The following ITSN2 variants were observed in gnomAD, a reference collection of about 807,000 sequenced individuals.
ITSN2 encodes intersectin-2.
In ITSN2, 156 loss-of-function variants were observed where a neutral mutation model predicts 243.7. The observed-to-expected ratio is 0.64, with a 90% CI of 0.56 to 0.73. The LOEUF is 0.73. Ranked by LOEUF, ITSN2 falls within the 30% of genes least tolerant of loss-of-function variation. ITSN2 has a pLI of 0.00. For synonymous variants in ITSN2, 703 were observed against 699.9 expected, an observed-to-expected ratio of 1.00 and a Z score of -0.07; for missense variants, 1,801 against 1,996.1, an observed-to-expected ratio of 0.90 and a Z score of 1.86.
chr2:24,251,328 A>AATAT (rs1158351594), intron 25 of ITSN2, among the ~76,000 whole-genome samples: 2 of 6,980 alleles, frequency 2.9e-4, no homozygotes, highest in African/African-American at 9.1e-4. Context: ...AAAAAAATAA[A>AATAT]ATATATATAT....
intron 23 of ITSN2, among the ~76,000 whole-genome samples, chr2:24,257,659 G>A (rs767751436): frequency 9.2e-5 from 14 of 151,902 alleles, no homozygotes; most frequent in South Asian, 4.2e-4. Context: ...GTTTCACCAC[G>A]TCACCCAGGC....
At chr2:24,220,319 T>C (rs1670324389) in intron 30 of ITSN2, 4 of 985,250 alleles carry the variant, frequency 4.1e-6, no homozygotes, top group African/African-American at 1.7e-5. Context: ...AACAAAGGTA[T>C]AGTAGAAATG....
In ITSN2 at chr2:24,207,097, G is replaced by A. The variant is rs184404730; in HGVS notation, c.4678+1140C>T. On this transcript the variant is annotated intron_variant, in intron 37 of 39. Transcript: ENST00000355123. Reference sequence around the variant, plus strand: ...GGGCCCTGAGTGTGGGGTAAGAAATGTGTCGTTAATTTGGGAGGCAATAGG... The same window carrying A: ...GGGCCCTGAGTGTGGGGTAAGAAATATGTCGTTAATTTGGGAGGCAATAGG... Among the ~76,000 whole-genome samples, 35 of 152,152 alleles carry A rather than the reference G, an allele frequency of 2.3e-4. No individual in the cohort carries two copies. In the East Asian group the frequency reaches 6.2e-3, roughly 27 times the overall value.
chr2:24,209,823 T>C lies in ITSN2; in HGVS notation c.4468A>G (p.Lys1490Glu), dbSNP rs762079429. 11 of 1,613,644 alleles carry C rather than the reference T, an allele frequency of 6.8e-6. No individual in the cohort carries two copies. Among genetic ancestry groups the C allele is most frequent in the Non-Finnish European group, 9.3e-6 (11 of 1,179,494 alleles). ...SKSNAQFKMY[K>E]TPIFLNEVLV... ...CCCAGACGCGTGATACTCACCGTTTTATACATTTTGAATTGAGCATTGGAC... is the reference window on the plus strand; with the variant it reads ...CCCAGACGCGTGATACTCACCGTTTCATACATTTTGAATTGAGCATTGGAC... Residue 1490 changes from lysine to glutamate, a missense_variant, in exon 35 of 40, where the codon AAA (lysine) becomes GAA (glutamate). Physicochemically the swap from Lys to Glu is moderately conservative, Grantham distance 56. Transcript: ENST00000355123.
Position 24,248,743 on chromosome 2 carries a change from A to T in ITSN2, c.3174T>A (p.Ala1058=), listed in dbSNP as rs750129526. The part of the protein sequence containing the change: ...SGASNKKPEI[A]QVTSAYVASG... ...AAGCAACATATGCTGAAGTTACCTG[A>T]GCAATCTCTGAAAAGACAAAGAAGA... Residue 1058 remains alanine, a synonymous_variant, in exon 27 of 40, where the codon GCT becomes GCA. Transcript: ENST00000355123. 13 of 1,613,506 alleles carry T rather than the reference A, an allele frequency of 8.1e-6. No individual in the cohort carries two copies. In the South Asian group the frequency reaches 1.4e-4, roughly 18 times the overall value.
rs1465453428 is a variant in ITSN2 at position 24,298,588 on chromosome 2, G to A, written c.1494+77C>T. On this transcript the variant is annotated intron_variant, in intron 13 of 39. Transcript: ENST00000355123. ...TAGGATAACAGGTGTGAGCCACCAC[G>A]CCTGGCCCACAATTACATTTTTCAA... 39 of 1,355,026 alleles carry A rather than the reference G, an allele frequency of 2.9e-5. 1 individual carries two copies. The highest frequency in any genetic ancestry group is 2.5e-4 in the South Asian group (18 of 71,464). 83.9% of individuals were successfully genotyped at this position (1,355,026 alleles called of 1,614,324 possible).
intron 32 of ITSN2, among the ~76,000 whole-genome samples, chr2:24,213,000 CT>C (rs1177745775): frequency 1.3e-5 from 2 of 152,108 alleles, no homozygotes; most frequent in African/African-American, 4.8e-5. Flanking sequence ...GGGGCTTCGA[CT>C]TTCTTTTAAA....
chr2:24,326,566 A>G (rs1685178121), intron 2 of ITSN2: 1 of 167,966 alleles, frequency 6.0e-6, no homozygotes, highest in Non-Finnish European at 1.5e-5. Context: ...TACATGTATC[A>G]CTCATTATGG....
chr2:24,245,781 C>A (rs1673290381), intron 29 of ITSN2, among the ~76,000 whole-genome samples: 1 of 152,062 alleles, frequency 6.6e-6, no homozygotes, highest in Non-Finnish European at 1.5e-5. Flanking sequence ...CGCCCAGCCA[C>A]TAGCTACTTT....
At chr2:24,330,485 G>T (rs1425034234) in intron 1 of ITSN2, 1 of 680,176 alleles carries the variant, frequency 1.5e-6, no homozygotes, top group Non-Finnish European at 2.8e-6. Flanking sequence ...CCATGAGGTT[G>T]TCTGCTAAAC....
chr2:24,270,758 A>T lies in ITSN2; in HGVS notation c.2268T>A (p.Ala756=), dbSNP rs112792441. 1.9e-6 allele frequency: 3 copies of T among 1,570,648 alleles called. No individual in the cohort carries two copies. The highest frequency in any genetic ancestry group is 2.7e-5 in the African/African-American group (2 of 73,854). ...ATGCTCTATAATTCACCAAAACACT[A>T]GCTGTCTCACCTAAAGAGAAGACAA... ...LKAEEKKRET[A]SVLVNYRALY... Residue 756 remains alanine, a synonymous_variant, in exon 20 of 40, where the codon GCT becomes GCA. Coordinates refer to ENST00000355123, the MANE Select transcript of ITSN2 (RefSeq NM_006277.3).
At chr2:24,263,333 A>C (rs893144238) in intron 20 of ITSN2, among the ~76,000 whole-genome samples, 13 of 152,304 alleles carry the variant, frequency 8.5e-5, no homozygotes, top group African/African-American at 2.9e-4. Context: ...TCCATTTTCC[A>C]TACCTTTCTA....
Position 24,315,242 on chromosome 2 carries a change from G to GA in ITSN2, c.32-19dup. 1 of 1,426,386 alleles carries GA rather than the reference G, an allele frequency of 7.0e-7. No individual in the cohort carries two copies. The highest frequency in any genetic ancestry group is 9.9e-7 in the Non-Finnish European group (1 of 1,014,188). The allele number at this position is 1,426,386 out of a possible 1,614,324, so 88.4% of individuals were successfully genotyped here. On this transcript the variant is annotated intron_variant, in intron 2 of 39. Coordinates refer to ENST00000355123, the MANE Select transcript of ITSN2 (RefSeq NM_006277.3). ...TGGCCCTCCTGAAACATAAGTGGAAGAAACTATAGTGTATACATGAGAATG... is the reference window on the plus strand; with the variant it reads ...TGGCCCTCCTGAAACATAAGTGGAAGAAAACTATAGTGTATACATGAGAATG...
chr2:24,334,343 G>A (rs1686119389), intron 1 of ITSN2, among the ~76,000 whole-genome samples: 1 of 152,186 alleles, frequency 6.6e-6, no homozygotes, highest in Non-Finnish European at 1.5e-5. Context: ...ACAGGCATCA[G>A]CCACTGTGCC....
intron 29 of ITSN2, among the ~76,000 whole-genome samples, chr2:24,234,256 G>C (rs1305730071): frequency 1.4e-5 from 2 of 146,638 alleles, no homozygotes. Context: ...AATGATGCTG[G>C]AACAACTGGC....
intron 1 of ITSN2, chr2:24,330,799 C>G (rs1685704383): frequency 1.5e-5 from 6 of 405,180 alleles, no homozygotes; most frequent in Non-Finnish European, 2.8e-5. Context: ...TGAATTCTCG[C>G]TCTATCGCCC....
intron 2 of ITSN2, 91 bp downstream of exon 2, chr2:24,327,961 A>AG (rs1313247014): frequency 1.6e-6 from 2 of 1,213,010 alleles, no homozygotes; most frequent in Non-Finnish European, 2.4e-6. Context: ...TTATACACTT[A>AG]AGGAAAATTA....
At chr2:24,223,774 G>C (rs1166661802) in intron 29 of ITSN2, among the ~76,000 whole-genome samples, 2 of 144,806 alleles carry the variant, frequency 1.4e-5, no homozygotes, top group Non-Finnish European at 3.0e-5. Context: ...GAGGGGAGGG[G>C]AGTGAGGGAA....
intron 17 of ITSN2, among the ~76,000 whole-genome samples, chr2:24,277,136 T>C (rs1382990743): frequency 6.6e-6 from 1 of 152,008 alleles, no homozygotes; most frequent in East Asian, 1.9e-4. Context: ...ATTTCTTTCA[T>C]TTGGAATCTA....
Sources: gnomAD v4.1 joint callset for allele counts (sites outside exome capture counted in the v4.1 genomes callset) on GRCh38, gnomAD v4.1.1 for gene constraint, MANE v1.5 for transcripts, NCBI Gene and HGNC (gene_info 2026-07-23, HGNC 2026-07-21) for gene names.